Variants in TBC1D31 observed in about 807,000 individuals in gnomAD.
TBC1D31 encodes TBC1 domain family member 31, also known as WD repeat domain 67.
Under a neutral mutation model 132.9 loss-of-function variants are expected in TBC1D31, and 99 were observed. The observed-to-expected ratio is 0.74, with a 90% CI of 0.63 to 0.88. The LOEUF is 0.88. Among genes scored for constraint, TBC1D31 ranks in the 40% least tolerant of loss-of-function variants. TBC1D31 has a pLI of 0.00. For synonymous variants in TBC1D31, 385 were observed against 419.4 expected (o/e 0.92, Z 1.00); for missense variants, 1,134 against 1,256.6 (o/e 0.90, Z 1.48).
rs16898042 is a variant in TBC1D31 at position 123,141,521 on chromosome 8, A to G, written c.2640+620A>G. Among the ~76,000 whole-genome samples, 1,260 of 142,132 alleles carry G rather than the reference A, an allele frequency of 8.9e-3. 15 individuals are homozygous for G. The highest frequency in any genetic ancestry group is 0.032 in the African/African-American group (1,224 of 38,018). The allele number at this position is 142,132 out of a possible 152,430, so 93.2% of individuals were successfully genotyped here. ...GAAATGCTGACTTAAGTGAATTGAA[A>G]TAGAACTTGAGACTTTCAAAGAAGA... On this transcript the variant is annotated intron_variant, in intron 18 of 21. Transcript: ENST00000287380.
chr8:123,077,250 G>A lies in TBC1D31; in HGVS notation c.217G>A (p.Gly73Arg). The A allele has an allele frequency of 1.2e-6, 2 of 1,610,252 alleles. No homozygotes were observed. Among genetic ancestry groups the A allele is most frequent in the South Asian group, 2.2e-5 (2 of 90,232 alleles). ...AAATATTTATGTTTTTGACTTACAT[G>A]GAAACAGGTAAGCAGATACCATTGA... ...QGNIYVFDLH[G>R]NRFNLVQRTA... Residue 73 changes from glycine (G) to arginine (R), a missense_variant, in exon 2 of 22, where the codon GGA becomes AGA. By Grantham distance (125) the Gly-to-Arg change is moderately radical. Coordinates refer to ENST00000287380, the MANE Select transcript of TBC1D31 (RefSeq NM_145647.4).
the TBC1D31 span, among the ~76,000 whole-genome samples, chr8:123,158,785 T>A: frequency 6.6e-6 from 1 of 152,032 alleles, no homozygotes; most frequent in East Asian, 1.9e-4. Flanking sequence ...GGGTGGGGCC[T>A]GCTCCACCTC....
intron 1 of TBC1D31, among the ~76,000 whole-genome samples, chr8:123,076,296 G>T (rs893068954): frequency 2.7e-5 from 4 of 150,714 alleles, no homozygotes; most frequent in Non-Finnish European, 4.4e-5. Flanking sequence ...AGACGTGTTT[G>T]GTTTTGATTT....
chr8:123,118,940 G>T (rs1194939075), intron 10 of TBC1D31, among the ~76,000 whole-genome samples: 7 of 152,128 alleles, frequency 4.6e-5, no homozygotes, highest in African/African-American at 1.2e-4. Context: ...TGTCCAGGCT[G>T]GTCTCAAACT....
At chr8:123,093,522 G>T in intron 4 of TBC1D31, 69 bp from the exon 5 acceptor site, 1 of 1,081,540 alleles carries the variant, frequency 9.2e-7, no homozygotes. Context: ...TAGACTACTT[G>T]TATAATTTTA....
chr8:123,144,968 A>G (rs1232061203), intron 20 of TBC1D31, 113 bp downstream of exon 20: 8 of 1,002,984 alleles, frequency 8.0e-6, no homozygotes, highest in Non-Finnish European at 8.5e-6. Flanking sequence ...CTGTCACCCA[A>G]GCTGGAGTGT....
intron 17 of TBC1D31, 46 bp downstream of exon 17, chr8:123,134,252 G>A: frequency 6.9e-7 from 1 of 1,444,252 alleles, no homozygotes; most frequent in East Asian, 2.3e-5. Context: ...GTTTTGGCCA[G>A]GCTCAGTGGC....
chr8:123,105,730 T>C (rs1361804429), intron 8 of TBC1D31, among the ~76,000 whole-genome samples: 3 of 152,092 alleles, frequency 2.0e-5, no homozygotes, highest in Admixed American at 2.0e-4. Flanking sequence ...AAAGAAAATA[T>C]AGCTATTAAT....
At chr8:123,101,082 A>G (rs1817365567) in intron 7 of TBC1D31, 75 bp downstream of exon 7, 2 of 1,150,140 alleles carry the variant, frequency 1.7e-6, no homozygotes, top group Non-Finnish European at 2.5e-6. Flanking sequence ...TAAAATCTTT[A>G]TGCTACTATT....
intron 7 of TBC1D31, 42 bp from the exon 8 acceptor site, chr8:123,105,246 G>A (rs1349517104): frequency 1.5e-6 from 2 of 1,360,796 alleles, no homozygotes; most frequent in African/African-American, 1.5e-5. Context: ...TGTCTTCCAA[G>A]GATATCCATT....
At chr8:123,094,151 G>C (rs894067349) in intron 5 of TBC1D31, among the ~76,000 whole-genome samples, 3 of 151,120 alleles carry the variant, frequency 2.0e-5, no homozygotes, top group African/African-American at 7.3e-5. Context: ...TGCAACCTCT[G>C]TCTCCCGGGT....
intron 6 of TBC1D31, among the ~76,000 whole-genome samples, chr8:123,100,189 C>G (rs192614570): frequency 6.6e-6 from 1 of 152,124 alleles, no homozygotes; most frequent in African/African-American, 2.4e-5. Context: ...CTTAGGGCAC[C>G]TTTCCATAGT....
chr8:123,097,473 T>G (rs1217143416), intron 6 of TBC1D31, 32 bp downstream of exon 6: 1 of 1,601,280 alleles, frequency 6.2e-7, no homozygotes, highest in Non-Finnish European at 8.5e-7. Flanking sequence ...CACTGTACTT[T>G]TTGAGAAAGA....
At chr8:123,137,471 T>C (rs1821207053) in intron 17 of TBC1D31, among the ~76,000 whole-genome samples, 1 of 152,038 alleles carries the variant, frequency 6.6e-6, no homozygotes, top group South Asian at 2.1e-4. Context: ...GCACATGGAG[T>C]GGAGTCCAGG....
chr8:123,136,338 T>C (rs1821087204), intron 17 of TBC1D31, among the ~76,000 whole-genome samples: 1 of 152,262 alleles, frequency 6.6e-6, no homozygotes. Context: ...TTTTGAAGCA[T>C]GTAAACCAGA....
At chr8:123,079,601 C>A (rs201205607) in intron 2 of TBC1D31, among the ~76,000 whole-genome samples, 1 of 151,772 alleles carries the variant, frequency 6.6e-6, no homozygotes, top group Non-Finnish European at 1.5e-5. Flanking sequence ...GATTTCATGA[C>A]TAATGAACTT....
chr8:123,099,289 T>A (rs2130327862), intron 6 of TBC1D31, among the ~76,000 whole-genome samples: 1 of 152,040 alleles, frequency 6.6e-6, no homozygotes, highest in East Asian at 1.9e-4. Context: ...CCGGCTAATT[T>A]TTTGTATTTT....
chr8:123,124,477 A>G (rs1378869431), intron 11 of TBC1D31, among the ~76,000 whole-genome samples: 1 of 152,204 alleles, frequency 6.6e-6, no homozygotes, highest in Non-Finnish European at 1.5e-5. Context: ...TACTGTATGC[A>G]GTAGGATATC....
At chr8:123,161,957 G>T in the TBC1D31 span, among the ~76,000 whole-genome samples, 43 of 143,934 alleles carry the variant, frequency 3.0e-4, no homozygotes, top group African/African-American at 1.1e-3. Context: ...GGCGGAGGTT[G>T]CAGTGAGCCG....
Sources: gnomAD v4.1 joint callset for allele counts (sites outside exome capture counted in the v4.1 genomes callset) on GRCh38, gnomAD v4.1.1 for gene constraint, MANE v1.5 for transcripts, NCBI Gene and HGNC (gene_info 2026-07-23, HGNC 2026-07-21) for gene names.